Variants in AFF4 observed in about 807,000 individuals in gnomAD.
The protein encoded by AFF4 is AF4/FMR2 family member 4.
In AFF4, 13 loss-of-function variants were observed where a neutral mutation model predicts 124.8. The ratio of observed to expected loss-of-function variants is 0.10; its 90% confidence interval spans 0.07 to 0.17. The LOEUF (loss-of-function observed/expected upper bound fraction) is 0.17. Among genes scored for constraint, AFF4 ranks in the 10% least tolerant of loss-of-function variants. AFF4 has a pLI of 1.00. For missense variants in AFF4, 1,092 were observed against 1,403.8 expected (o/e 0.78, Z 3.55); for synonymous variants, 477 against 496.1 (o/e 0.96, Z 0.51).
intron 5 of AFF4, among the ~76,000 whole-genome samples, chr5:132,920,932 CCTGA>C (rs1761028360): frequency 6.6e-6 from 1 of 151,940 alleles, no homozygotes; most frequent in African/African-American, 2.4e-5. Flanking sequence ...TCGAGACCAT[CCTGA>C]CTAACACGGT....
Position 132,960,971 on chromosome 5 carries a change from C to T in AFF4, c.-5+2288G>A, listed in dbSNP as rs968399110. Among the ~76,000 whole-genome samples, 6 of 152,214 alleles carry T rather than the reference C, an allele frequency of 3.9e-5. No individual in the cohort carries two copies. In the South Asian group the frequency reaches 1.0e-3, roughly 26 times the overall value. On this transcript the variant is annotated intron_variant, in intron 1 of 20. Coordinates refer to ENST00000265343, the MANE Select transcript of AFF4 (RefSeq NM_014423.4). ...GGGCGCAGTGCTCATGCCTGTAATC[C>T]CAACACTTTGGGGAGGCCGAGGCGT...
intron 5 of AFF4, among the ~76,000 whole-genome samples, chr5:132,922,778 CAA>C (rs554387527): frequency 8.8e-5 from 5 of 56,724 alleles, no homozygotes; most frequent in Admixed American, 1.7e-4. Context: ...GACTCCATCT[CAA>C]AAAAAAAAAA....
At chr5:132,939,156 G>C (rs915120672) in intron 1 of AFF4, among the ~76,000 whole-genome samples, 4 of 149,166 alleles carry the variant, frequency 2.7e-5, no homozygotes, top group Non-Finnish European at 4.4e-5. Context: ...GGCAGAGGTT[G>C]CAGTGAGCCA....
At chr5:132,943,217 C>T in intron 1 of AFF4, 1 of 181,044 alleles carries the variant, frequency 5.5e-6, no homozygotes, top group Non-Finnish European at 1.2e-5. Context: ...CTGGAGTTAA[C>T]AAAATGGATT....
Position 132,879,683 on chromosome 5 carries a change from G to T in AFF4, c.*1376C>A, listed in dbSNP as rs186251731. 28 of 210,484 alleles carry T rather than the reference G, an allele frequency of 1.3e-4. No individual in the cohort carries two copies. Among genetic ancestry groups the T allele is most frequent in the Middle Eastern group, 1.5e-3 (1 of 646 alleles). The allele number at this position is 210,484 out of a possible 1,614,324, so 13.0% of individuals were successfully genotyped here. On this transcript the variant is annotated 3_prime_UTR_variant, in exon 21 of 21. Coordinates refer to ENST00000265343, the MANE Select transcript of AFF4 (RefSeq NM_014423.4). ...GGGCATGAAAAATAAAGTATAGAGG[G>T]TACATTTCTTATCTTAGACTTCTAT...
chr5:132,912,002 G>C (rs57076016), intron 5 of AFF4, among the ~76,000 whole-genome samples: 1 of 151,674 alleles, frequency 6.6e-6, no homozygotes, highest in East Asian at 1.9e-4. Context: ...AAATGGAAAG[G>C]CAAAATAAAG....
chr5:132,922,899 G>A (rs184331757), intron 5 of AFF4, among the ~76,000 whole-genome samples: 279 of 151,812 alleles, frequency 1.8e-3, no homozygotes, highest in African/African-American at 5.7e-3. Flanking sequence ...AATGGGGGCC[G>A]GGCACAGTGG....
rs34337170 is a variant in AFF4, at chr5:132,958,465, C to CAAAAAAAAAAA, written c.-5+4783_-5+4793dup. ...TGGATGACAGAGTGAGACCCTGTCT[C>CAAAAAAAAAAA]AAAAAAAAAAAAAAAAAAAAAAAAG... On this transcript the variant is annotated intron_variant, in intron 1 of 20. Coordinates refer to ENST00000265343, the MANE Select transcript of AFF4 (RefSeq NM_014423.4). Among the ~76,000 whole-genome samples the CAAAAAAAAAAA allele has an allele frequency of 5.4e-4, 30 of 55,708 alleles. 1 individual carries two copies. Among genetic ancestry groups the CAAAAAAAAAAA allele is most frequent in the African/African-American group, 2.5e-3 (29 of 11,748 alleles). The allele number at this position is 55,708 out of a possible 152,430, so 36.5% of individuals were successfully genotyped here. A position where few individuals can be genotyped will look rare whatever the true frequency, so the allele number is the denominator to read the frequency against.
intron 2 of AFF4, among the ~76,000 whole-genome samples, chr5:132,935,297 G>A (rs1222183735): frequency 6.6e-6 from 1 of 152,206 alleles, no homozygotes. Context: ...ACTCCAGCAT[G>A]GGTAACATAG....
intron 5 of AFF4, among the ~76,000 whole-genome samples, chr5:132,912,013 A>AT (rs1487805986): frequency 6.6e-6 from 1 of 151,838 alleles, no homozygotes; most frequent in East Asian, 1.9e-4. Flanking sequence ...CAAAATAAAG[A>AT]TTTTTTCAAA....
intron 5 of AFF4, among the ~76,000 whole-genome samples, chr5:132,923,354 G>A (rs1474388202): frequency 9.1e-6 from 1 of 110,218 alleles, no homozygotes; most frequent in African/African-American, 3.7e-5. Context: ...CTGTCGCAAA[G>A]AAAGAAAGGA....
chr5:132,957,409 C>G (rs1286589300), intron 1 of AFF4, among the ~76,000 whole-genome samples: 1 of 151,890 alleles, frequency 6.6e-6, no homozygotes, highest in African/African-American at 2.4e-5. Flanking sequence ...AATGCTAAAT[C>G]AGATCAGACT....
chr5:132,923,284 G>A (rs1445123302), intron 5 of AFF4, among the ~76,000 whole-genome samples: 4 of 152,150 alleles, frequency 2.6e-5, no homozygotes, highest in Non-Finnish European at 4.4e-5. Flanking sequence ...CTGGGAGGTC[G>A]AGGCTGCAAT....
At chr5:132,894,126 C>T (rs1297911739) in intron 11 of AFF4, among the ~76,000 whole-genome samples, 1 of 152,190 alleles carries the variant, frequency 6.6e-6, no homozygotes, top group Non-Finnish European at 1.5e-5. Context: ...ATGAATAATG[C>T]TACTATGAAC....
At chr5:132,940,222 G>A (rs996154222) in intron 1 of AFF4, among the ~76,000 whole-genome samples, 2 of 148,818 alleles carry the variant, frequency 1.3e-5, no homozygotes, top group African/African-American at 2.5e-5. Context: ...AATAAAGGCC[G>A]GGTGCGGTGG....
At chr5:132,919,214 T>C (rs1209075938) in intron 5 of AFF4, among the ~76,000 whole-genome samples, 1 of 152,156 alleles carries the variant, frequency 6.6e-6, no homozygotes, top group Non-Finnish European at 1.5e-5. Flanking sequence ...GCAAAGAGCC[T>C]AGAAAAGTCA....
chr5:132,900,543 G>C (rs547054889), intron 7 of AFF4, among the ~76,000 whole-genome samples: 1 of 152,236 alleles, frequency 6.6e-6, no homozygotes, highest in African/African-American at 2.4e-5. Context: ...CTAGGCGACA[G>C]AGCGAGACTC....
rs897527527 is a variant in AFF4, at chr5:132,879,827, C to T, written c.*1232G>A. 1 of 232,526 alleles carries T rather than the reference C, an allele frequency of 4.3e-6. No homozygotes were observed. The highest frequency in any genetic ancestry group is 8.5e-6 in the Non-Finnish European group (1 of 118,220). 14.4% of individuals were successfully genotyped at this position (232,526 alleles called of 1,614,324 possible). ...CTCACACTGAATCAAGTTAGGTACA[C>T]TTTTCTAGTGTGAAATTTTCTGATT... is the stretch of plus-strand genomic sequence containing the variant. On this transcript the variant is annotated 3_prime_UTR_variant, in exon 21 of 21. Coordinates refer to ENST00000265343, the MANE Select transcript of AFF4 (RefSeq NM_014423.4).
chr5:132,899,160 A>T lies in AFF4; in HGVS notation c.1189-19T>A, dbSNP rs948135964. ...CACAATCCTAAAATTAAAACATAAG[A>T]AAGAATCTGTGAATGAATAAACAGT... On this transcript the variant is annotated intron_variant, in intron 8 of 20. Coordinates refer to ENST00000265343, the MANE Select transcript of AFF4 (RefSeq NM_014423.4). 9.9e-6 allele frequency: 16 copies of T among 1,608,904 alleles called. No homozygotes were observed. Among genetic ancestry groups the T allele is most frequent in the Non-Finnish European group, 1.4e-5 (16 of 1,175,782 alleles).
Sources: allele counts gnomAD v4.1 joint callset (sites outside exome capture counted in the v4.1 genomes callset), GRCh38; gene constraint gnomAD v4.1.1; transcripts MANE v1.5; gene names NCBI Gene and HGNC (gene_info 2026-07-23, HGNC 2026-07-21).